The following NMU variants were observed in gnomAD, a reference collection of about 807,000 sequenced individuals.
The protein encoded by NMU is neuromedin-U.
Under a neutral mutation model 35.4 loss-of-function variants are expected in NMU, and 29 were observed. The ratio of observed to expected loss-of-function variants is 0.82; its 90% CI spans 0.61 to 1.12. NMU has a LOEUF of 1.12. Among genes scored for constraint, NMU ranks in the 50% most tolerant of loss-of-function variants. The pLI, the probability that NMU is intolerant of heterozygous loss-of-function variation, is 0.00. For synonymous variants in NMU, 78 were observed against 81.3 expected (o/e 0.96, Z 0.22); for missense variants, 199 against 206.2 (o/e 0.97, Z 0.21).
At chr4:55,634,009 A>G (rs1715767047) in intron 1 of NMU, among the ~76,000 whole-genome samples, 1 of 152,094 alleles carries the variant, frequency 6.6e-6, no homozygotes, top group African/African-American at 2.4e-5. Flanking sequence ...TTATCTTCGC[A>G]TGGCCATTGT....
chr4:55,605,770 TA>T (rs1296592607), intron 6 of NMU, among the ~76,000 whole-genome samples: 1 of 152,220 alleles, frequency 6.6e-6, no homozygotes, highest in Non-Finnish European at 1.5e-5. Context: ...TCTGGAAGAT[TA>T]TACTATACAC....
chr4:55,609,151 A>G lies in NMU; in HGVS notation c.248T>C (p.Phe83Ser). The change falls in exon 4 of 10, where the codon TTT becomes TCT. Residue 83 changes from phenylalanine to serine, a missense_variant. By Grantham distance (155) the Phe-to-Ser change is radical. Transcript: ENST00000264218. Reference sequence around the variant, plus strand: ...CTTTGGTAGCATTCCCATAATCATAAAGCAAAGCTCCTCCAGTGCGTTGGA... The same window carrying G: ...CTTTGGTAGCATTCCCATAATCATAGAGCAAAGCTCCTCCAGTGCGTTGGA... Reference protein sequence around the residue: ...QASNALEELCFMIMGMLPKPQ... With the variant: ...QASNALEELCSMIMGMLPKPQ... The G allele has an allele frequency of 6.2e-7, 1 of 1,613,520 alleles. No homozygotes were observed. Among genetic ancestry groups the G allele is most frequent in the African/African-American group, 1.3e-5 (1 of 75,054 alleles).
At chr4:55,613,342 G>C (rs1408433505) in intron 3 of NMU, among the ~76,000 whole-genome samples, 1 of 152,040 alleles carries the variant, frequency 6.6e-6, no homozygotes, top group Non-Finnish European at 1.5e-5. Context: ...GCTCTATCAA[G>C]GGATTTTGAT....
At chr4:55,615,465 T>C (rs1184647196) in intron 3 of NMU, among the ~76,000 whole-genome samples, 2 of 152,186 alleles carry the variant, frequency 1.3e-5, no homozygotes, top group Non-Finnish European at 2.9e-5. Flanking sequence ...ACACGCTTGA[T>C]ATCAGATCTG....
chr4:55,636,345 C>A (rs1715933679), upstream of NMU: 42 of 1,171,142 alleles, frequency 3.6e-5, no homozygotes, highest in South Asian at 9.2e-4. The surrounding 1 kb of genome is among the most constrained non-coding windows in gnomAD (Gnocchi z 4.0). Context: ...CACAAGTGGG[C>A]TGGGCTGCGC....
chr4:55,621,992 G>A (rs1375285062), intron 2 of NMU, among the ~76,000 whole-genome samples: 1 of 99,950 alleles, frequency 1.0e-5, no homozygotes. Flanking sequence ...CAACATACCA[G>A]AATCTCTGGG....
At chr4:55,606,151 A>C (rs964365325) in intron 6 of NMU, among the ~76,000 whole-genome samples, 6 of 152,216 alleles carry the variant, frequency 3.9e-5, no homozygotes, top group African/African-American at 1.4e-4. Flanking sequence ...CCATGTGATA[A>C]ATATTTCAAA....
At chr4:55,632,380 A>T (rs1308052933) in intron 1 of NMU, among the ~76,000 whole-genome samples, 2 of 152,234 alleles carry the variant, frequency 1.3e-5, no homozygotes, top group Admixed American at 1.3e-4. Context: ...AATAATAATG[A>T]CAGTAATCAA....
intron 9 of NMU, among the ~76,000 whole-genome samples, chr4:55,597,464 G>A (rs1354912982): frequency 3.3e-5 from 5 of 151,958 alleles, no homozygotes; most frequent in Non-Finnish European, 4.4e-5. Flanking sequence ...TCCCTCCTGG[G>A]TTCAGGTGAT....
intron 2 of NMU, among the ~76,000 whole-genome samples, chr4:55,618,454 G>A (rs1452660138): frequency 2.0e-5 from 3 of 151,920 alleles, no homozygotes; most frequent in Non-Finnish European, 4.4e-5. Context: ...TCCCACTTAC[G>A]AGTGAGAAAT....
At chr4:55,599,235 A>C in intron 8 of NMU, 54 bp from the exon 9 acceptor site, 1 of 1,375,802 alleles carries the variant, frequency 7.3e-7, no homozygotes, top group Non-Finnish European at 1.0e-6. Flanking sequence ...GCAAGCTAAC[A>C]GTCATAGAAA....
At chr4:55,615,937 C>T (rs997163757) in intron 3 of NMU, among the ~76,000 whole-genome samples, 10 of 152,056 alleles carry the variant, frequency 6.6e-5, no homozygotes, top group South Asian at 2.1e-4. Flanking sequence ...TTGGTGGAGA[C>T]GGGGTCTTGC....
chr4:55,626,720 AAAAC>A (rs908976685), intron 2 of NMU, among the ~76,000 whole-genome samples: 14 of 152,302 alleles, frequency 9.2e-5, no homozygotes, highest in East Asian at 7.7e-4. Context: ...AAACAAAAAC[AAAAC>A]AAACAAACAA....
chr4:55,624,107 G>T (rs1462585278), intron 2 of NMU, among the ~76,000 whole-genome samples: 1 of 149,870 alleles, frequency 6.7e-6, no homozygotes, highest in Non-Finnish European at 1.5e-5. Context: ...ACATAGGCAT[G>T]GGCAAGAACT....
At chr4:55,632,328 T>C (rs1198867961) in intron 1 of NMU, among the ~76,000 whole-genome samples, 1 of 152,218 alleles carries the variant, frequency 6.6e-6, no homozygotes. Context: ...CTTGAATTCA[T>C]ACAAGTTTTT....
At chr4:55,617,480 C>T (rs1281846533) in intron 2 of NMU, among the ~76,000 whole-genome samples, 2 of 152,054 alleles carry the variant, frequency 1.3e-5, no homozygotes, top group Non-Finnish European at 2.9e-5. Context: ...GGTCCCTCTT[C>T]CTTGCCATAC....
chr4:55,635,932 G>A (rs1715890082), intron 1 of NMU, 149 bp downstream of exon 1: 1 of 1,415,316 alleles, frequency 7.1e-7, no homozygotes. Context: ...CCTGTGCCTG[G>A]GAGGCGGGAA....
intron 9 of NMU, among the ~76,000 whole-genome samples, chr4:55,596,936 C>G (rs1019709627): frequency 5.3e-5 from 8 of 152,174 alleles, no homozygotes; most frequent in Non-Finnish European, 1.0e-4. Flanking sequence ...AAGGTTTAAT[C>G]TCTTCCTAAT....
chr4:55,604,670 G>A (rs565438997), intron 7 of NMU, among the ~76,000 whole-genome samples: 2 of 102,696 alleles, frequency 1.9e-5, no homozygotes, highest in East Asian at 5.4e-4. Flanking sequence ...GCGCCAATAT[G>A]CCTGGCTAAT....
Sources: gnomAD v4.1 joint callset for allele counts (sites outside exome capture counted in the v4.1 genomes callset) on GRCh38, gnomAD v4.1.1 for gene constraint, Gnocchi (gnomAD v3.1) non-coding constraint, MANE v1.5 for transcripts, NCBI Gene and HGNC (gene_info 2026-07-23, HGNC 2026-07-21) for gene names.